Variants in MAP4K3 observed in about 807,000 individuals in gnomAD.
MAP4K3 encodes the protein MAPK/ERK kinase kinase kinase 3.
A neutral mutation model predicts 143.5 loss-of-function variants in MAP4K3; 94 were observed. The observed-to-expected ratio is 0.65, with a 90% CI of 0.55 to 0.78. MAP4K3 has a LOEUF of 0.78. MAP4K3 is among the 30% of genes least tolerant of loss of function. The pLI, the probability that MAP4K3 is intolerant of heterozygous loss-of-function variation, is 0.00. For missense variants in MAP4K3, 1,077 were observed against 1,068.1 expected (o/e 1.01, Z -0.12); for synonymous variants, 416 against 347.2 (o/e 1.20, Z -2.20).
chr2:39,360,217 C>T (rs1034035855), intron 2 of MAP4K3, among the ~76,000 whole-genome samples: 1 of 152,226 alleles, frequency 6.6e-6, no homozygotes. Flanking sequence ...GGGCAAAATG[C>T]CGCCACTCTC....
chr2:39,394,329 C>T (rs893762670), intron 1 of MAP4K3, among the ~76,000 whole-genome samples: 1 of 152,106 alleles, frequency 6.6e-6, no homozygotes, highest in Non-Finnish European at 1.5e-5. Flanking sequence ...TCTAAGGACA[C>T]GTTGCACTAC....
chr2:39,365,432 T>A (rs971444697), intron 2 of MAP4K3, among the ~76,000 whole-genome samples: 32 of 130,432 alleles, frequency 2.5e-4, no homozygotes, highest in African/African-American at 3.3e-4. Flanking sequence ...CCATAGTAAT[T>A]TTTTTTTTTT....
At chr2:39,371,132 T>C (rs770470135) in intron 2 of MAP4K3, among the ~76,000 whole-genome samples, 26 of 151,960 alleles carry the variant, frequency 1.7e-4, no homozygotes, top group Non-Finnish European at 2.5e-4. Context: ...CCCATTGCAA[T>C]GAGGAAAACT....
intron 1 of MAP4K3, among the ~76,000 whole-genome samples, chr2:39,421,712 T>A (rs889580166): frequency 6.6e-6 from 1 of 152,224 alleles, no homozygotes; most frequent in African/African-American, 2.4e-5. Flanking sequence ...TAATATCTAA[T>A]GTTCTCTATT....
intron 1 of MAP4K3, among the ~76,000 whole-genome samples, chr2:39,396,815 G>T (rs527836893): frequency 6.6e-6 from 1 of 152,218 alleles, no homozygotes; most frequent in East Asian, 1.9e-4. Context: ...AACCATTTTA[G>T]CAAAAATACT....
At chr2:39,284,640 T>C (rs936066080) in intron 21 of MAP4K3, among the ~76,000 whole-genome samples, 6 of 151,702 alleles carry the variant, frequency 4.0e-5, no homozygotes, top group Non-Finnish European at 8.8e-5. Flanking sequence ...GGTCAAGGAT[T>C]CGAGACCAGC....
chr2:39,348,353 C>G (rs1665355648), intron 3 of MAP4K3, among the ~76,000 whole-genome samples: 1 of 151,930 alleles, frequency 6.6e-6, no homozygotes, highest in African/African-American at 2.4e-5. Flanking sequence ...AAAAAAAAAT[C>G]ACGACTATAT....
intron 1 of MAP4K3, 35 bp from the exon 2 acceptor site, chr2:39,378,158 A>G (rs913377775): frequency 1.6e-6 from 2 of 1,244,034 alleles, no homozygotes; most frequent in African/African-American, 1.5e-5. Flanking sequence ...TATTGTGAAG[A>G]AAGCTTTCAT....
Position 39,280,362 on chromosome 2 carries a change from G to T in MAP4K3, c.1630-6C>A. ...TTTGAAAAACATGCACCCATCTAGG[G>T]AAACAAAGAATAACCAATATGAAAC... is the stretch of plus-strand genomic sequence containing the variant. On this transcript the variant is annotated splice_region_variant and splice_polypyrimidine_tract_variant and intron_variant, in intron 22 of 33. Coordinates refer to ENST00000263881, the MANE Select transcript of MAP4K3 (RefSeq NM_003618.4). 1 of 1,564,558 alleles carries T rather than the reference G, an allele frequency of 6.4e-7. No homozygotes were observed. Among genetic ancestry groups the T allele is most frequent in the Non-Finnish European group, 8.8e-7 (1 of 1,141,522 alleles).
chr2:39,251,761 A>C (rs1026218507), intron 33 of MAP4K3, 69 bp downstream of exon 33: 15 of 1,275,230 alleles, frequency 1.2e-5, no homozygotes, highest in Non-Finnish European at 1.6e-5. Context: ...CTTGAAAAAG[A>C]AATCTGTTTC....
intron 1 of MAP4K3, among the ~76,000 whole-genome samples, chr2:39,428,088 T>G (rs1665153873): frequency 6.7e-6 from 1 of 149,254 alleles, no homozygotes; most frequent in Non-Finnish European, 1.5e-5. Context: ...TCCTACAGTA[T>G]TTATATAGTT....
chr2:39,384,185 G>A (rs1666427661), intron 1 of MAP4K3, among the ~76,000 whole-genome samples: 1 of 151,988 alleles, frequency 6.6e-6, no homozygotes, highest in South Asian at 2.1e-4. Flanking sequence ...AAAGCCTGAA[G>A]TATTACTATC....
chr2:39,391,709 T>TA (rs939804161), intron 1 of MAP4K3, among the ~76,000 whole-genome samples: 2 of 152,234 alleles, frequency 1.3e-5, no homozygotes, highest in East Asian at 1.9e-4. Flanking sequence ...GGTAAATGTT[T>TA]AAAAAAACAG....
chr2:39,357,398 T>A (rs1274517573), intron 2 of MAP4K3, among the ~76,000 whole-genome samples: 2 of 152,236 alleles, frequency 1.3e-5, no homozygotes, highest in African/African-American at 2.4e-5. Context: ...CCCCAATTAC[T>A]GCTCAAATCA....
intron 19 of MAP4K3, among the ~76,000 whole-genome samples, chr2:39,288,517 C>T (rs1047415892): frequency 2.0e-5 from 3 of 152,018 alleles, no homozygotes; most frequent in Non-Finnish European, 4.4e-5. Context: ...AATAAAAGGG[C>T]CTCTAAGTCG....
At chr2:39,341,793 AG>A (rs1665147749) in intron 4 of MAP4K3, among the ~76,000 whole-genome samples, 1 of 152,204 alleles carries the variant, frequency 6.6e-6, no homozygotes, top group African/African-American at 2.4e-5. Flanking sequence ...ACAAGCTTCT[AG>A]AAATACTGTT....
chr2:39,318,203 C>T (rs560096173), intron 12 of MAP4K3, among the ~76,000 whole-genome samples: 2 of 152,136 alleles, frequency 1.3e-5, no homozygotes, highest in South Asian at 4.1e-4. Flanking sequence ...ACTGAGTACA[C>T]ATGGATACAA....
At position 39,400,733 on chromosome 2, in the gene MAP4K3, A is replaced by G. The variant is rs571338801; in HGVS notation, c.97-22610T>C. On this transcript the variant is annotated intron_variant, in intron 1 of 33. Transcript: ENST00000263881. ...CTTTAATTGTTTTTCATCAAAATAG[A>G]TATTGTATAATTTTCACTGTAATTT... Among the ~76,000 whole-genome samples the G allele has an allele frequency of 1.2e-4, 18 of 152,246 alleles. 1 individual carries two copies. In the South Asian group the frequency reaches 3.5e-3, roughly 30 times the overall value.
chr2:39,285,616 T>G lies in MAP4K3; in HGVS notation c.1587+1236A>C, dbSNP rs377535701. On this transcript the variant is annotated intron_variant, in intron 21 of 33. Coordinates refer to ENST00000263881, the MANE Select transcript of MAP4K3 (RefSeq NM_003618.4). ...TTTAAGAATAATATGTCATATTGTATAGTGAAATATTTTTAAAAAGTTAAA... is the reference window on the plus strand; with the variant it reads ...TTTAAGAATAATATGTCATATTGTAGAGTGAAATATTTTTAAAAAGTTAAA... Among the ~76,000 whole-genome samples the G allele has an allele frequency of 1.8e-3, 277 of 152,082 alleles. 11 individuals are homozygous for G. The South Asian group carries it at 0.056, about 31-fold the overall frequency.
Sources: allele counts gnomAD v4.1 joint callset (sites outside exome capture counted in the v4.1 genomes callset), GRCh38; gene constraint gnomAD v4.1.1; transcripts MANE v1.5; gene names NCBI Gene and HGNC (gene_info 2026-07-23, HGNC 2026-07-21).